IGF2BP3: variants seen among roughly 807,000 people sequenced by gnomAD.
IGF2BP3 encodes the protein insulin like growth factor 2 mRNA binding protein 3.
Under a neutral mutation model 73.8 loss-of-function variants are expected in IGF2BP3, and 9 were observed. That is an observed-to-expected ratio of 0.12 (90% confidence interval 0.07 to 0.21). The LOEUF (loss-of-function observed/expected upper bound fraction) is 0.21, where lower values mean the gene tolerates loss of function less well. IGF2BP3 is among the 10% of genes least tolerant of loss of function. The pLI is 1.00. For missense variants in IGF2BP3, 542 were observed against 714.0 expected (o/e 0.76, Z 2.75); for synonymous variants, 258 against 256.7 (o/e 1.01, Z -0.05).
At chr7:23,344,197 G>A (rs1784779012) in intron 8 of IGF2BP3, among the ~76,000 whole-genome samples, 2 of 152,198 alleles carry the variant, frequency 1.3e-5, no homozygotes, top group Admixed American at 1.3e-4. Flanking sequence ...CTGGAAAGAT[G>A]TATAGTTTTT....
chr7:23,449,470 T>A (rs916459360), intron 2 of IGF2BP3, among the ~76,000 whole-genome samples: 2 of 151,434 alleles, frequency 1.3e-5, no homozygotes, highest in African/African-American at 4.8e-5. Flanking sequence ...TGAGCCGAGA[T>A]AGCGCCACTG....
At chr7:23,392,232 C>T (rs1179018910) in intron 3 of IGF2BP3, among the ~76,000 whole-genome samples, 1 of 152,106 alleles carries the variant, frequency 6.6e-6, no homozygotes, top group African/African-American at 2.4e-5. Context: ...CCATCAGTCC[C>T]TTCTTCACTA....
intron 2 of IGF2BP3, among the ~76,000 whole-genome samples, chr7:23,455,346 T>TA (rs1162903720): frequency 6.6e-6 from 1 of 152,188 alleles, no homozygotes; most frequent in African/African-American, 2.4e-5. Context: ...GTTTCACACT[T>TA]ACATGAGGTG....
At position 23,417,636 on chromosome 7, in the gene IGF2BP3, AT is replaced by A. The variant is rs935576522; in HGVS notation, c.285+1139del. 1.5e-4 allele frequency among the ~76,000 whole-genome samples: 23 copies of A among 152,314 alleles called. 1 individual carries two copies. The South Asian group carries it at 4.3e-3, about 29-fold the overall frequency. The stretch of plus-strand genomic sequence containing the variant: ...CAGATGTAGCTCCTGAACAAAAAAA[AT>A]CATATTAAATTACATTTTAAATCAT... On this transcript the variant is annotated intron_variant, in intron 3 of 14. Transcript: ENST00000258729.
intron 1 of IGF2BP3, among the ~76,000 whole-genome samples, chr7:23,468,900 G>A (rs1049018926): frequency 2.6e-5 from 4 of 152,224 alleles, no homozygotes; most frequent in South Asian, 4.1e-4. Flanking sequence ...TCGGGGCAGG[G>A]GGCTCCCCTG....
intron 8 of IGF2BP3, among the ~76,000 whole-genome samples, chr7:23,344,201 A>G (rs906164776): frequency 2.0e-5 from 3 of 152,246 alleles, no homozygotes; most frequent in Non-Finnish European, 4.4e-5. Flanking sequence ...AAAGATGTAT[A>G]GTTTTTGAGG....
At chr7:23,432,862 G>C (rs2128542518) in intron 2 of IGF2BP3, among the ~76,000 whole-genome samples, 1 of 152,238 alleles carries the variant, frequency 6.6e-6, no homozygotes, top group South Asian at 2.1e-4. Context: ...CTGGTCCTGG[G>C]CTCAAGCAAT....
intron 2 of IGF2BP3, among the ~76,000 whole-genome samples, chr7:23,441,811 G>C (rs1461575219): frequency 6.6e-6 from 1 of 152,024 alleles, no homozygotes; most frequent in Non-Finnish European, 1.5e-5. Context: ...TTTATAAATT[G>C]AATAAGATTA....
At chr7:23,453,899 G>A (rs1461441272) in intron 2 of IGF2BP3, among the ~76,000 whole-genome samples, 1 of 152,082 alleles carries the variant, frequency 6.6e-6, no homozygotes, top group East Asian at 1.9e-4. Context: ...CGCCCAGCTT[G>A]GAATGCAGTG....
intron 3 of IGF2BP3, chr7:23,402,610 G>A (rs1386909834): frequency 6.6e-6 from 1 of 152,200 alleles, no homozygotes; most frequent in African/African-American, 2.4e-5. Flanking sequence ...AGAGTGAGAT[G>A]AAGATAGAGA....
chr7:23,448,180 T>C (rs959131096), intron 2 of IGF2BP3, among the ~76,000 whole-genome samples: 5 of 152,290 alleles, frequency 3.3e-5, no homozygotes, highest in African/African-American at 9.6e-5. Context: ...AGAAGAAATG[T>C]TGATGGGGTC....
At chr7:23,423,664 G>A (rs1240015819) in intron 2 of IGF2BP3, among the ~76,000 whole-genome samples, 1 of 151,932 alleles carries the variant, frequency 6.6e-6, no homozygotes, top group Non-Finnish European at 1.5e-5. Context: ...TATGGTGGAG[G>A]GGGGGAAAGA....
intron 3 of IGF2BP3, among the ~76,000 whole-genome samples, chr7:23,397,306 G>C (rs117804920): frequency 0.011 from 1,715 of 152,344 alleles, 24 homozygotes; most frequent in Middle Eastern, 0.037. Flanking sequence ...AGAAGAGGCA[G>C]AAGCAAGGAC....
At position 23,465,350 on chromosome 7, in the gene IGF2BP3, T is replaced by C. The variant is rs139024829; in HGVS notation, c.236+3132A>G. The stretch of plus-strand genomic sequence containing the variant: ...CAGATATCCAATGCAATCTTCTCTT[T>C]AGTCCAGCTGCAGGAGACTTCAATG... On this transcript the variant is annotated intron_variant, in intron 2 of 14. Coordinates refer to ENST00000258729, the MANE Select transcript of IGF2BP3 (RefSeq NM_006547.3). Among the ~76,000 whole-genome samples the C allele has an allele frequency of 2.3e-3, 353 of 152,342 alleles. 1 individual carries two copies. Among genetic ancestry groups the C allele is most frequent in the African/African-American group, 8.2e-3 (340 of 41,574 alleles).
intron 3 of IGF2BP3, among the ~76,000 whole-genome samples, chr7:23,398,049 T>G (rs1308928586): frequency 6.6e-6 from 1 of 151,122 alleles, no homozygotes; most frequent in African/African-American, 2.4e-5. Context: ...TATCTCCAAA[T>G]GCTATCCCTC....
chr7:23,427,687 C>T (rs769144026), intron 2 of IGF2BP3, among the ~76,000 whole-genome samples: 39 of 151,518 alleles, frequency 2.6e-4, no homozygotes, highest in Non-Finnish European at 5.0e-4. Context: ...GCCTGGCCAA[C>T]ATGGTGAAAC....
At chr7:23,444,282 T>C (rs1332131414) in intron 2 of IGF2BP3, among the ~76,000 whole-genome samples, 7 of 152,180 alleles carry the variant, frequency 4.6e-5, no homozygotes, top group African/African-American at 1.4e-4. Context: ...TAAGATATTA[T>C]TAATATCCTA....
At chr7:23,438,571 T>C (rs1356464126) in intron 2 of IGF2BP3, among the ~76,000 whole-genome samples, 1 of 152,180 alleles carries the variant, frequency 6.6e-6, no homozygotes, top group Non-Finnish European at 1.5e-5. Flanking sequence ...TTTCAAGAAG[T>C]TCCCTTTGAC....
In IGF2BP3 at chr7:23,350,529, A is replaced by G. The variant is rs577768498; in HGVS notation, c.683+776T>C. On this transcript the variant is annotated intron_variant, in intron 6 of 14. Transcript: ENST00000258729. The stretch of plus-strand genomic sequence containing the variant: ...GTCAAAAAATATCCACATACTGTAC[A>G]ACAGTATGGTTTCTAAAGCAAAACA... Among the ~76,000 whole-genome samples, 9 of 152,340 alleles carry G rather than the reference A, an allele frequency of 5.9e-5. No individual in the cohort carries two copies. The East Asian group carries it at 1.5e-3, about 26-fold the overall frequency.
Sources: allele counts gnomAD v4.1 joint callset (sites outside exome capture counted in the v4.1 genomes callset), GRCh38; gene constraint gnomAD v4.1.1; transcripts MANE v1.5; gene names NCBI Gene and HGNC (gene_info 2026-07-23, HGNC 2026-07-21).